The following TP53RK variants were observed in gnomAD, a reference collection of about 807,000 sequenced individuals.
The protein encoded by TP53RK is EKC/KEOPS complex subunit TP53RK.
In TP53RK, 17 loss-of-function variants were observed where a neutral mutation model predicts 14.9. The observed-to-expected ratio is 1.14, with a 90% CI of 0.78 to 1.71. TP53RK has a LOEUF of 1.71. TP53RK is among the 40% of genes most tolerant of loss of function. The pLI is 0.00. For missense variants in TP53RK, 343 were observed against 332.0 expected (o/e 1.03, Z -0.26); for synonymous variants, 131 against 138.0 (o/e 0.95, Z 0.36).
Position 46,689,295 on chromosome 20 carries a change from CT to C in TP53RK, c.119del (p.Lys40SerfsTer19). ...SRFLSGLELV[K>X]QGAEARVFRG... is the part of the protein sequence containing the mutation. ...GGAACACGCGCGCCTCGGCACCCTGCTTCACCAGCTCCAGGCCGCTCAAGAA... is the reference window on the plus strand; with the variant it reads ...GGAACACGCGCGCCTCGGCACCCTGCTCACCAGCTCCAGGCCGCTCAAGAA... On this transcript the variant is annotated frameshift_variant, in exon 1 of 2. Transcript: ENST00000372114. LOFTEE classifies it high-confidence loss of function. The C allele has an allele frequency of 6.5e-7, 1 of 1,547,144 alleles. No homozygotes were observed. Among genetic ancestry groups the C allele is most frequent in the South Asian group, 1.2e-5 (1 of 85,546 alleles).
At position 46,689,231 on chromosome 20, in the gene TP53RK, G is replaced by C; in HGVS notation, c.184C>G (p.Arg62Gly). The change falls in exon 1 of 2, where the codon CGC becomes GGC. Residue 62 changes from arginine to glycine, a missense_variant. Physicochemically the swap from Arg to Gly is moderately radical, Grantham distance 125. Transcript: ENST00000372114. ...FQGRAAVIKH[R>G]FPKGYRHPAL... is the part of the protein sequence containing the mutation. ...GGGTGCCGGTAGCCCTTGGGGAAGC[G>C]GTGCTTGATCACCGCCGCGCGGCCC... The C allele has an allele frequency of 6.5e-7, 1 of 1,529,922 alleles. No individual in the cohort carries two copies. The highest frequency in any genetic ancestry group is 8.7e-7 in the Non-Finnish European group (1 of 1,145,140). 94.8% of individuals were successfully genotyped at this position (1,529,922 alleles called of 1,614,324 possible).
At position 46,689,222 on chromosome 20, in the gene TP53RK, T is replaced by G. The variant is rs1568972559; in HGVS notation, c.193A>C (p.Lys65Gln). Residue 65 changes from lysine to glutamine, a missense_variant, in exon 1 of 2, where the codon AAG (lysine) becomes CAG (glutamine). By Grantham distance (53) the Lys-to-Gln change is moderately conservative. Coordinates refer to ENST00000372114, the MANE Select transcript of TP53RK (RefSeq NM_033550.4). ...TCCAGCGCCGGGTGCCGGTAGCCCT[T>G]GGGGAAGCGGTGCTTGATCACCGCC... ...RAAVIKHRFP[K>Q]GYRHPALEAR... 1 of 1,528,938 alleles carries G rather than the reference T, an allele frequency of 6.5e-7. No individual in the cohort carries two copies. The highest frequency in any genetic ancestry group is 8.7e-7 in the Non-Finnish European group (1 of 1,144,744). The allele number at this position is 1,528,938 out of a possible 1,614,324, so 94.7% of individuals were successfully genotyped here.
At position 46,685,678 on chromosome 20, in the gene TP53RK, T is replaced by C. The variant is rs2063177448; in HGVS notation, c.*1075A>G. ...GCTGTGTCTGTCTGGCTCACCATTG[T>C]ACCCAATACCCAACAGGGTGCCAAG... is the stretch of plus-strand genomic sequence containing the variant. On this transcript the variant is annotated 3_prime_UTR_variant, in exon 2 of 2. Coordinates refer to ENST00000372114, the MANE Select transcript of TP53RK (RefSeq NM_033550.4). The C allele has an allele frequency of 6.6e-6, 1 of 152,190 alleles. No individual in the cohort carries two copies. The highest frequency in any genetic ancestry group is 6.5e-5 in the Admixed American group (1 of 15,284). 9.4% of individuals were successfully genotyped at this position (152,190 alleles called of 1,614,324 possible). A position where few individuals can be genotyped will look rare whatever the true frequency, so the allele number is the denominator to read the frequency against.
Position 46,684,562 on chromosome 20 carries a change from G to A in TP53RK, c.*2191C>T, listed in dbSNP as rs1299460225. On this transcript the variant is annotated 3_prime_UTR_variant, in exon 2 of 2. Transcript: ENST00000372114. ...TCACTCGCTATCACGAGAACAGCAC[G>A]GAGGTAGCCGCCCCGAGGATTAAAT... 3 of 152,270 alleles carry A rather than the reference G, an allele frequency of 2.0e-5. No individual in the cohort carries two copies. The highest frequency in any genetic ancestry group is 1.9e-4 in the East Asian group (1 of 5,188). 9.4% of individuals were successfully genotyped at this position (152,270 alleles called of 1,614,324 possible). A position where few individuals can be genotyped will look rare whatever the true frequency, so the allele number is the denominator to read the frequency against.
chr20:46,689,167 T>G lies in TP53RK; in HGVS notation c.248A>C (p.Gln83Pro). 1.3e-6 allele frequency: 2 copies of G among 1,509,014 alleles called. No homozygotes were observed. Among genetic ancestry groups the G allele is most frequent in the East Asian group, 2.5e-5 (1 of 39,550 alleles). The allele number at this position is 1,509,014 out of a possible 1,614,324, so 93.5% of individuals were successfully genotyped here. A position where few individuals can be genotyped will look rare whatever the true frequency, so the allele number is the denominator to read the frequency against. Residue 83 changes from glutamine (Q) to proline (P), a missense_variant, in exon 1 of 2, where the codon CAG (glutamine) becomes CCG (proline). Transcript: ENST00000372114. Reference sequence around the variant, plus strand: ...ACAGCGGAGGAGCGCCCGGGCCTCCTGCACCGTCCGCCGTCTGCCAAGCCG... The same window carrying G: ...ACAGCGGAGGAGCGCCCGGGCCTCCGGCACCGTCCGCCGTCTGCCAAGCCG... ...EARLGRRRTV[Q>P]EARALLRCRR...
At chr20:46,688,270 G>C (rs1461917624) in intron 1 of TP53RK, among the ~76,000 whole-genome samples, 2 of 152,220 alleles carry the variant, frequency 1.3e-5, no homozygotes, top group African/African-American at 4.8e-5. Flanking sequence ...CCCCCACCCA[G>C]ATCTCCCAGC....
chr20:46,687,373 A>T (rs771034414), intron 1 of TP53RK, 142 bp from the exon 2 acceptor site: 61 of 789,146 alleles, frequency 7.7e-5, no homozygotes, highest in Non-Finnish European at 1.2e-4. Flanking sequence ...GTACAACTGA[A>T]CTCATCTGGA....
Position 46,689,332 on chromosome 20 carries a change from C to A in TP53RK, c.83G>T (p.Arg28Leu), listed in dbSNP as rs775714809. The A allele has an allele frequency of 8.3e-6, 13 of 1,563,008 alleles. No homozygotes were observed. The highest frequency in any genetic ancestry group is 1.0e-5 in the Non-Finnish European group (12 of 1,163,348). Residue 28 changes from arginine to leucine, a missense_variant, in exon 1 of 2, where the codon CGG becomes CTG. Physicochemically the swap from Arg to Leu is moderately radical, Grantham distance 102 (BLOSUM62 -2). Coordinates refer to ENST00000372114, the MANE Select transcript of TP53RK (RefSeq NM_033550.4). ...EAEALAAARE[R>L]SSRFLSGLEL... Reference sequence around the variant, plus strand: ...CAGGCCGCTCAAGAAGCGGCTGCTCCGCTCCCGGGCTGCGGCCAGAGCCTC... The same window carrying A: ...CAGGCCGCTCAAGAAGCGGCTGCTCAGCTCCCGGGCTGCGGCCAGAGCCTC...
Position 46,686,989 on chromosome 20 carries a change from G to C in TP53RK, c.526C>G (p.Gln176Glu), listed in dbSNP as rs775789307. The change falls in exon 2 of 2, where the codon CAG (glutamine) becomes GAG (glutamate). Residue 176 changes from glutamine to glutamate, a missense_variant. Transcript: ENST00000372114. ...AAGTCTATGAGCACAATGTTCAGCTGTTCCAGGGGGGGTTTCAGGAGCATG... is the reference window on the plus strand; with the variant it reads ...AAGTCTATGAGCACAATGTTCAGCTCTTCCAGGGGGGGTTTCAGGAGCATG... ...SNMLLKPPLE[Q>E]LNIVLIDFGL... The C allele has an allele frequency of 3.0e-5, 48 of 1,614,098 alleles. No homozygotes were observed. The highest frequency in any genetic ancestry group is 5.0e-5 in the Admixed American group (3 of 60,014).
At position 46,686,990 on chromosome 20, in the gene TP53RK, T is replaced by C; in HGVS notation, c.525A>G (p.Glu175=). The C allele has an allele frequency of 6.2e-7, 1 of 1,614,186 alleles. No homozygotes were observed. Among genetic ancestry groups the C allele is most frequent in the Non-Finnish European group, 8.5e-7 (1 of 1,180,022 alleles). ...AGTCTATGAGCACAATGTTCAGCTG[T>C]TCCAGGGGGGGTTTCAGGAGCATGT... ...TSNMLLKPPL[E]QLNIVLIDFG... is the part of the protein sequence containing the mutation. The change falls in exon 2 of 2, where the codon GAA becomes GAG. Residue 175 remains glutamate (E), a synonymous_variant. Coordinates refer to ENST00000372114, the MANE Select transcript of TP53RK (RefSeq NM_033550.4).
Position 46,687,185 on chromosome 20 carries a change from G to A in TP53RK, c.330C>T (p.Cys110=). Residue 110 remains cysteine (C), a synonymous_variant, in exon 2 of 2, where the codon TGC becomes TGT. Coordinates refer to ENST00000372114, the MANE Select transcript of TP53RK (RefSeq NM_033550.4). Reference sequence around the variant, plus strand: ...AGCCTTCAATTTCTTCCATATATAAGCAGTTGGAAGCATAGTCCACAAAAA... The same window carrying A: ...AGCCTTCAATTTCTTCCATATATAAACAGTTGGAAGCATAGTCCACAAAAA... ...VVFFVDYASN[C]LYMEEIEGSV... The A allele has an allele frequency of 6.2e-7, 1 of 1,609,074 alleles. No homozygotes were observed. The highest frequency in any genetic ancestry group is 8.5e-7 in the Non-Finnish European group (1 of 1,176,454).
chr20:46,689,326 CTGCTCCGCTCCCGGG>C lies in TP53RK; in HGVS notation c.74_88del (p.Ala25_Ser30delinsGly). The C allele has an allele frequency of 6.4e-7, 1 of 1,560,866 alleles. No homozygotes were observed. The highest frequency in any genetic ancestry group is 8.6e-7 in the Non-Finnish European group (1 of 1,161,820). On this transcript the variant is annotated inframe_deletion, in exon 1 of 2. Coordinates refer to ENST00000372114, the MANE Select transcript of TP53RK (RefSeq NM_033550.4). ...CAGCTCCAGGCCGCTCAAGAAGCGG[CTGCTCCGCTCCCGGG>C]CTGCGGCCAGAGCCTCAGCCTCCGG...
In TP53RK at chr20:46,687,193, A is replaced by G. The variant is rs1263315495; in HGVS notation, c.322T>C (p.Ser108Pro). 2 of 1,604,636 alleles carry G rather than the reference A, an allele frequency of 1.2e-6. No individual in the cohort carries two copies. Among genetic ancestry groups the G allele is most frequent in the Non-Finnish European group, 8.5e-7 (1 of 1,173,384 alleles). The change falls in exon 2 of 2, where the codon TCC (serine) becomes CCC (proline). Residue 108 changes from serine to proline, a missense_variant. Coordinates refer to ENST00000372114, the MANE Select transcript of TP53RK (RefSeq NM_033550.4). ...APVVFFVDYA[S>P]NCLYMEEIEG... The stretch of plus-strand genomic sequence containing the variant: ...ATTTCTTCCATATATAAGCAGTTGG[A>G]AGCATAGTCCACAAAAAAGACAACT...
chr20:46,686,277 G>A lies in TP53RK; in HGVS notation c.*476C>T, dbSNP rs2063179840. 1 of 158,480 alleles carries A rather than the reference G, an allele frequency of 6.3e-6. No homozygotes were observed. The highest frequency in any genetic ancestry group is 1.4e-5 in the Non-Finnish European group (1 of 71,614). 9.8% of individuals were successfully genotyped at this position (158,480 alleles called of 1,614,324 possible). On this transcript the variant is annotated 3_prime_UTR_variant, in exon 2 of 2. Transcript: ENST00000372114. Reference sequence around the variant, plus strand: ...TGAAAGTTTCATAAAACAATACACTGATATTTTCCATGCTGTATTCTATTT... The same window carrying A: ...TGAAAGTTTCATAAAACAATACACTAATATTTTCCATGCTGTATTCTATTT...
intron 1 of TP53RK, among the ~76,000 whole-genome samples, chr20:46,688,009 T>C (rs1312664205): frequency 2.0e-5 from 3 of 152,206 alleles, no homozygotes; most frequent in Non-Finnish European, 1.5e-5. Flanking sequence ...TCTGCTACTA[T>C]ACAAGGAACA....
At position 46,686,856 on chromosome 20, in the gene TP53RK, G is replaced by C. The variant is rs1380976197; in HGVS notation, c.659C>G (p.Ala220Gly). 1 of 1,614,056 alleles carries C rather than the reference G, an allele frequency of 6.2e-7. No individual in the cohort carries two copies. The highest frequency in any genetic ancestry group is 1.3e-5 in the African/African-American group (1 of 74,904). Residue 220 changes from alanine (A) to glycine (G), a missense_variant, in exon 2 of 2, where the codon GCC (alanine) becomes GGC (glycine). Coordinates refer to ENST00000372114, the MANE Select transcript of TP53RK (RefSeq NM_033550.4). The stretch of plus-strand genomic sequence containing the variant: ...GGAGGTGGAGTAGCTCTTCAGAAAG[G>C]CTTCAAACACAGTTTCAGTGTTGGG... ...THPNTETVFE[A>G]FLKSYSTSSK...
intron 1 of TP53RK, among the ~76,000 whole-genome samples, chr20:46,687,465 C>A (rs538766145): frequency 2.6e-5 from 4 of 152,144 alleles, no homozygotes; most frequent in African/African-American, 9.7e-5. Context: ...GCTTCCTCCT[C>A]CCTTCCAAAC....
intron 1 of TP53RK, 45 bp downstream of exon 1, chr20:46,689,087 C>G (rs901816754): frequency 2.2e-6 from 3 of 1,355,526 alleles, no homozygotes; most frequent in South Asian, 3.6e-5. Flanking sequence ...CGCCCAGGCC[C>G]CAGAGCCTCG....
In TP53RK at chr20:46,689,423, G is replaced by C. The variant is rs772837385; in HGVS notation, c.-9C>G. 4.5e-6 allele frequency: 7 copies of C among 1,543,968 alleles called. No homozygotes were observed. The highest frequency in any genetic ancestry group is 2.0e-5 in the Admixed American group (1 of 50,460). On this transcript the variant is annotated 5_prime_UTR_variant, in exon 1 of 2. Transcript: ENST00000372114. ...GCTCTGGCCGCCGCCATGACTGCTC[G>C]GCGCAACAGCTCCAACCGATCAGCT...
Sources: allele counts gnomAD v4.1 joint callset (sites outside exome capture counted in the v4.1 genomes callset), GRCh38; gene constraint gnomAD v4.1.1; transcripts MANE v1.5; gene names NCBI Gene and HGNC (gene_info 2026-07-23, HGNC 2026-07-21).